Variants in PSD3 observed in about 807,000 individuals in gnomAD.
The protein encoded by PSD3 is PH and SEC7 domain-containing protein 3.
Under a neutral mutation model 105.5 loss-of-function variants are expected in PSD3, and 49 were observed. The ratio of observed to expected loss-of-function variants is 0.46; its 90% CI spans 0.37 to 0.59. PSD3 has a LOEUF of 0.59. Ranked by LOEUF, PSD3 falls within the 20% of genes least tolerant of loss-of-function variation. The pLI, the probability that PSD3 is intolerant of heterozygous loss-of-function variation, is 0.00. For missense variants in PSD3, 1,561 were observed against 1,263.8 expected, an observed-to-expected ratio of 1.24 and a Z score of -3.57; for synonymous variants, 557 against 457.8, an observed-to-expected ratio of 1.22 and a Z score of -2.77.
intron 2 of PSD3, among the ~76,000 whole-genome samples, chr8:18,878,199 T>C (rs1817860495): frequency 1.3e-5 from 2 of 152,210 alleles, no homozygotes; most frequent in African/African-American, 2.4e-5. Context: ...TAAGATTCTA[T>C]TTCTTTTGAT....
intron 1 of PSD3, among the ~76,000 whole-genome samples, chr8:19,076,389 T>C (rs2129478167): frequency 1.3e-5 from 2 of 151,952 alleles, no homozygotes; most frequent in South Asian, 4.2e-4. Context: ...GGAATAATAG[T>C]GAGAGGAGAT....
chr8:18,923,585 G>C (rs2129467620), intron 2 of PSD3, among the ~76,000 whole-genome samples: 1 of 152,284 alleles, frequency 6.6e-6, no homozygotes, highest in South Asian at 2.1e-4. Flanking sequence ...ATTGCCCACA[G>C]TATTCAATAC....
chr8:18,831,840 G>A (rs1375766401), intron 4 of PSD3, among the ~76,000 whole-genome samples: 2 of 152,094 alleles, frequency 1.3e-5, no homozygotes, highest in Non-Finnish European at 2.9e-5. Context: ...ATTTGGTCTT[G>A]CTATTCATAT....
At chr8:19,078,636 T>A (rs575712627) in intron 1 of PSD3, among the ~76,000 whole-genome samples, 2 of 152,090 alleles carry the variant, frequency 1.3e-5, no homozygotes, top group Non-Finnish European at 2.9e-5. Context: ...TCAGCACCCC[T>A]GTTAGCACAA....
intron 9 of PSD3, among the ~76,000 whole-genome samples, chr8:18,700,607 A>G (rs1035149278): frequency 6.6e-6 from 1 of 152,246 alleles, no homozygotes; most frequent in Non-Finnish European, 1.5e-5. Flanking sequence ...TACTGGGGGA[A>G]AACCAGGAAC....
chr8:19,057,082 C>T (rs1006796423), intron 1 of PSD3, among the ~76,000 whole-genome samples: 3 of 152,118 alleles, frequency 2.0e-5, no homozygotes, highest in Non-Finnish European at 4.4e-5. Context: ...AAACTGGTTC[C>T]CCTTGGTTAA....
chr8:18,743,598 G>C (rs1301679916), intron 9 of PSD3, among the ~76,000 whole-genome samples: 2 of 151,896 alleles, frequency 1.3e-5, no homozygotes, highest in African/African-American at 4.8e-5. Context: ...TTATACCAGG[G>C]AGCCATATTT....
At chr8:18,773,637 A>G (rs1644474271) in intron 8 of PSD3, among the ~76,000 whole-genome samples, 1 of 152,114 alleles carries the variant, frequency 6.6e-6, no homozygotes, top group Admixed American at 6.5e-5. Flanking sequence ...TTTGCATCTT[A>G]TTATTCTGCA....
intron 4 of PSD3, among the ~76,000 whole-genome samples, chr8:18,814,681 G>A (rs921736121): frequency 9.9e-5 from 15 of 152,164 alleles, no homozygotes; most frequent in African/African-American, 3.4e-4. Context: ...GCAAACAAAT[G>A]TATATGCTCA....
At chr8:18,990,344 A>C (rs965453151) in intron 1 of PSD3, among the ~76,000 whole-genome samples, 2 of 152,062 alleles carry the variant, frequency 1.3e-5, no homozygotes, top group Non-Finnish European at 2.9e-5. Context: ...CTTCATTCCT[A>C]CCGCTCCACC....
rs377466927 is a variant in PSD3, at chr8:19,003,826, A to G, written c.21+9737T>C. ...GCAATGTAGCCAGACTGGCTTGATC[A>G]GCTCCTTGTAATCTCCCTGGCGAGG... On this transcript the variant is annotated intron_variant, in intron 1 of 15. Coordinates refer to ENST00000327040, the MANE Select transcript of PSD3 (RefSeq NM_015310.4). Among the ~76,000 whole-genome samples, 16 of 152,116 alleles carry G rather than the reference A, an allele frequency of 1.1e-4. No homozygotes were observed. The South Asian group carries it at 3.4e-3, about 32-fold the overall frequency.
chr8:18,740,004 C>T (rs904667473), intron 9 of PSD3, among the ~76,000 whole-genome samples: 5 of 152,256 alleles, frequency 3.3e-5, no homozygotes, highest in East Asian at 1.9e-4. Context: ...TAACAGACTG[C>T]GTAGTAACTT....
At chr8:18,631,673 T>C (rs28394143) in intron 11 of PSD3, among the ~76,000 whole-genome samples, 16,548 of 151,830 alleles carry the variant, frequency 0.11, 1,346 homozygotes, top group African/African-American at 0.23. Context: ...AGTCTAGTAA[T>C]CTAGTATATA....
chr8:18,711,995 T>C (rs374237495), intron 9 of PSD3, among the ~76,000 whole-genome samples: 2 of 152,064 alleles, frequency 1.3e-5, no homozygotes, highest in Non-Finnish European at 2.9e-5. Context: ...CACAACTACA[T>C]GGAAATTGAA....
At chr8:18,654,217 G>A (rs1185838739) in intron 10 of PSD3, among the ~76,000 whole-genome samples, 1 of 152,146 alleles carries the variant, frequency 6.6e-6, no homozygotes, top group African/African-American at 2.4e-5. Context: ...TCTACAGTGA[G>A]TAGACGCAAT....
intron 1 of PSD3, among the ~76,000 whole-genome samples, chr8:18,955,332 C>T (rs1272254617): frequency 2.6e-5 from 4 of 152,150 alleles, no homozygotes; most frequent in Non-Finnish European, 5.9e-5. Context: ...CCTTGAACTC[C>T]AGGACTCAAG....
intron 4 of PSD3, among the ~76,000 whole-genome samples, chr8:18,816,220 G>T (rs955923130): frequency 6.6e-6 from 1 of 152,166 alleles, no homozygotes; most frequent in Admixed American, 6.5e-5. Context: ...TGTTTACTCT[G>T]TTTAATACAC....
intron 1 of PSD3, among the ~76,000 whole-genome samples, chr8:19,049,299 A>T (rs7825806): frequency 0.049 from 7,393 of 152,212 alleles, 611 homozygotes; most frequent in African/African-American, 0.17. Context: ...GTAGTCCTAC[A>T]CACAAGGAAG....
chr8:18,796,885 T>C (rs1810232431), intron 8 of PSD3, among the ~76,000 whole-genome samples: 1 of 152,118 alleles, frequency 6.6e-6, no homozygotes, highest in Non-Finnish European at 1.5e-5. Flanking sequence ...TAGTATAGCA[T>C]TAAGGAGAAG....
Sources: allele counts gnomAD v4.1 joint callset (sites outside exome capture counted in the v4.1 genomes callset), GRCh38; gene constraint gnomAD v4.1.1; transcripts MANE v1.5; gene names NCBI Gene and HGNC (gene_info 2026-07-23, HGNC 2026-07-21).